Variants in MAP2 observed in about 807,000 individuals in gnomAD.
MAP2 encodes the protein microtubule associated protein 2.
In MAP2, 14 loss-of-function variants were observed where a neutral mutation model predicts 137.6. The observed-to-expected ratio is 0.10, with a 90% CI of 0.07 to 0.16. The LOEUF (loss-of-function observed/expected upper bound fraction) is 0.16. Among genes scored for constraint, MAP2 ranks in the 10% least tolerant of loss-of-function variants. The pLI, the probability that MAP2 is intolerant of heterozygous loss-of-function variation, is 1.00. For synonymous variants in MAP2, 786 were observed against 782.3 expected (o/e 1.00, Z -0.08); for missense variants, 2,088 against 2,191.5 (o/e 0.95, Z 0.94).
chr2:209,484,431 C>G (rs2058111154), intron 1 of MAP2, among the ~76,000 whole-genome samples: 1 of 152,164 alleles, frequency 6.6e-6, no homozygotes, highest in Non-Finnish European at 1.5e-5. Context: ...GTGGCTCACG[C>G]CCGTAATCCC....
chr2:209,582,622 G>A (rs1017285747), intron 3 of MAP2, among the ~76,000 whole-genome samples: 17 of 151,280 alleles, frequency 1.1e-4, no homozygotes, highest in African/African-American at 4.1e-4. Flanking sequence ...TCCATAATGA[G>A]CAACAAAGCA....
chr2:209,642,607 C>G (rs899897312), intron 4 of MAP2, among the ~76,000 whole-genome samples: 1 of 152,030 alleles, frequency 6.6e-6, no homozygotes, highest in Non-Finnish European at 1.5e-5. Flanking sequence ...ATGCACCCAC[C>G]AGCTCTCTTC....
chr2:209,559,376 G>T (rs556099629), intron 2 of MAP2, among the ~76,000 whole-genome samples: 1 of 148,506 alleles, frequency 6.7e-6, no homozygotes, highest in Non-Finnish European at 1.5e-5. Flanking sequence ...GCTCACACCT[G>T]TAATCCCAGC....
Position 209,696,207 on chromosome 2 carries a change from G to T in MAP2, c.4037G>T (p.Gly1346Val). The T allele has an allele frequency of 6.2e-7, 1 of 1,613,762 alleles. No individual in the cohort carries two copies. The highest frequency in any genetic ancestry group is 8.5e-7 in the Non-Finnish European group (1 of 1,179,898). Residue 1346 changes from glycine to valine, a missense_variant, in exon 8 of 16, where the codon GGT (glycine) becomes GTT (valine). Transcript: ENST00000682079. ...GAAGCCCAGGCAGAACCCAAAGATG[G>T]TTCCCCAGAGGCTCCAGCTTCCCCT... The part of the protein sequence containing the change: ...AAEAQAEPKD[G>V]SPEAPASPER...
intron 2 of MAP2, among the ~76,000 whole-genome samples, chr2:209,568,425 T>C (rs2073859433): frequency 6.6e-6 from 1 of 151,976 alleles, no homozygotes. Flanking sequence ...TCATGCAGAA[T>C]TTAAGCTTCT....
At chr2:209,680,053 CTT>C (rs1483034388) in intron 6 of MAP2, among the ~76,000 whole-genome samples, 2 of 152,088 alleles carry the variant, frequency 1.3e-5, no homozygotes, top group African/African-American at 4.8e-5. Context: ...AAAAATAAAA[CTT>C]AACATTAACT....
Position 209,729,857 on chromosome 2 carries a change from A to G in MAP2, c.5163A>G (p.Gly1721=), listed in dbSNP as rs2075437938. Residue 1721 remains glycine (G), a synonymous_variant, in exon 15 of 16, where the codon GGA becomes GGG. Coordinates refer to ENST00000682079, the MANE Select transcript of MAP2 (RefSeq NM_001375505.1). ...LKNIRHRPGG[G]RVKIESVKLD... is the part of the protein sequence containing the mutation. ...GTATTTCTTCCCTCATAGGTGGCGGACGTGTGAAAATTGAGAGTGTAAAAC... is the reference window on the plus strand; with the variant it reads ...GTATTTCTTCCCTCATAGGTGGCGGGCGTGTGAAAATTGAGAGTGTAAAAC... 6.2e-7 allele frequency: 1 copy of G among 1,609,120 alleles called. No homozygotes were observed. Among genetic ancestry groups the G allele is most frequent in the African/African-American group, 1.3e-5 (1 of 74,764 alleles).
At chr2:209,434,560 A>G (rs1270244821) in intron 1 of MAP2, among the ~76,000 whole-genome samples, 1 of 151,660 alleles carries the variant, frequency 6.6e-6, no homozygotes, top group African/African-American at 2.4e-5. Flanking sequence ...AAAATATGGG[A>G]CAAGCATGGT....
intron 7 of MAP2, among the ~76,000 whole-genome samples, chr2:209,691,942 TAA>T (rs2059020976): frequency 6.6e-6 from 1 of 152,230 alleles, no homozygotes; most frequent in Non-Finnish European, 1.5e-5. Flanking sequence ...TGTAAATTCT[TAA>T]GTCATATCAT....
At chr2:209,597,265 T>C (rs1286404557) in intron 3 of MAP2, among the ~76,000 whole-genome samples, 1 of 152,196 alleles carries the variant, frequency 6.6e-6, no homozygotes, top group Non-Finnish European at 1.5e-5. Context: ...TAATCATCTG[T>C]TTGACAATTT....
chr2:209,426,970 A>G (rs2149238621), intron 1 of MAP2, among the ~76,000 whole-genome samples: 1 of 152,338 alleles, frequency 6.6e-6, no homozygotes, highest in East Asian at 1.9e-4. Context: ...ATTGAATTTT[A>G]CTAGCAGTTA....
At chr2:209,698,990 T>C (rs2061025489) in intron 10 of MAP2, among the ~76,000 whole-genome samples, 1 of 152,188 alleles carries the variant, frequency 6.6e-6, no homozygotes, top group African/African-American at 2.4e-5. Flanking sequence ...TTAAAGTAAA[T>C]TGTGTTTTTA....
intron 2 of MAP2, among the ~76,000 whole-genome samples, chr2:209,562,737 G>C (rs560983441): frequency 6.6e-6 from 1 of 151,824 alleles, no homozygotes; most frequent in African/African-American, 2.4e-5. Context: ...TCCCAGTGAA[G>C]CACCAGAAAA....
At chr2:209,487,209 C>G (rs935517812) in intron 1 of MAP2, among the ~76,000 whole-genome samples, 2 of 152,176 alleles carry the variant, frequency 1.3e-5, no homozygotes, top group South Asian at 4.1e-4. Context: ...TACACCTGGA[C>G]TCACCCGAGA....
At chr2:209,530,846 A>G (rs1400061382) in intron 2 of MAP2, among the ~76,000 whole-genome samples, 2 of 152,152 alleles carry the variant, frequency 1.3e-5, no homozygotes, top group African/African-American at 2.4e-5. Flanking sequence ...ATTTTGACCC[A>G]TGTCTGTTGG....
intron 4 of MAP2, among the ~76,000 whole-genome samples, chr2:209,633,396 C>T (rs2093281216): frequency 6.6e-6 from 1 of 152,074 alleles, no homozygotes; most frequent in African/African-American, 2.4e-5. Flanking sequence ...GTCATTATTC[C>T]CATCCAGTTG....
At chr2:209,477,974 A>C (rs1707750993) in intron 1 of MAP2, among the ~76,000 whole-genome samples, 1 of 152,168 alleles carries the variant, frequency 6.6e-6, no homozygotes, top group Non-Finnish European at 1.5e-5. Flanking sequence ...ACTGCACTCC[A>C]GCCTGGGGAA....
intron 1 of MAP2, among the ~76,000 whole-genome samples, chr2:209,482,534 T>C (rs1333659274): frequency 6.6e-6 from 1 of 152,196 alleles, no homozygotes; most frequent in African/African-American, 2.4e-5. Context: ...ATATTGTTGG[T>C]CATAGGAAGT....
chr2:209,686,961 TA>T (rs1192466108), intron 7 of MAP2, among the ~76,000 whole-genome samples: 2 of 152,070 alleles, frequency 1.3e-5, no homozygotes, highest in Admixed American at 1.3e-4. Context: ...AAGTTTATAA[TA>T]TTAGAGGCTT....
Sources: gnomAD v4.1 joint callset for allele counts (sites outside exome capture counted in the v4.1 genomes callset) on GRCh38, gnomAD v4.1.1 for gene constraint, MANE v1.5 for transcripts, NCBI Gene and HGNC (gene_info 2026-07-23, HGNC 2026-07-21) for gene names.